The following PCDHA10 variants were observed in gnomAD, a reference collection of about 807,000 sequenced individuals.
The protein encoded by PCDHA10 is protocadherin alpha-10.
PCDHA10 carries 45 observed loss-of-function variants against 61.2 expected under a neutral mutation model. The observed-to-expected ratio is 0.74, with a 90% CI of 0.58 to 0.94. The LOEUF is 0.94. Among genes scored for constraint, PCDHA10 ranks in the 40% least tolerant of loss-of-function variants. The pLI, the probability that PCDHA10 is intolerant of heterozygous loss-of-function variation, is 0.00. For synonymous variants in PCDHA10, 602 were observed against 548.8 expected (o/e 1.10, Z -1.35); for missense variants, 1,278 against 1,236.2 (o/e 1.03, Z -0.51).
At chr5:140,941,973 C>T (rs1249999637) in intron 1 of PCDHA10, among the ~76,000 whole-genome samples, 4 of 152,068 alleles carry the variant, frequency 2.6e-5, no homozygotes, top group Admixed American at 1.3e-4. Context: ...TTTACTTTCC[C>T]TAAACCTTGA....
chr5:141,010,232 A>C lies in PCDHA10; in HGVS notation c.*295A>C. The C allele has an allele frequency of 1.3e-6, 2 of 1,551,952 alleles. No individual in the cohort carries two copies. The highest frequency in any genetic ancestry group is 1.7e-6 in the Non-Finnish European group (2 of 1,147,050). The stretch of plus-strand genomic sequence containing the variant: ...AAAGGAGAGGCTTCCCAGCCCCGCC[A>C]GTGAGAGGTTGGACTCTCTGCCCTG... On this transcript the variant is annotated 3_prime_UTR_variant, in exon 4 of 4. Coordinates refer to ENST00000307360, the MANE Select transcript of PCDHA10 (RefSeq NM_018901.4).
At chr5:140,902,203 C>CTTTTTT (rs148688132) in intron 1 of PCDHA10, among the ~76,000 whole-genome samples, 15 of 124,432 alleles carry the variant, frequency 1.2e-4, no homozygotes, top group Non-Finnish European at 2.0e-4. Flanking sequence ...CTCTCTCTTT[C>CTTTTTT]TTTTTTTTTT....
In PCDHA10 at chr5:140,856,743, T is replaced by C. The variant is rs17844341; in HGVS notation, c.695T>C (p.Leu232Ser). Residue 232 changes from leucine (L) to serine (S), a missense_variant, in exon 1 of 4, where the codon TTA becomes TCA. Transcript: ENST00000307360. ...TGSVSLLILV[L>S]DANDNAPIFD... Reference sequence around the variant, plus strand: ...TCTGTTTCTCTGCTGATCCTGGTGTTAGATGCCAATGATAACGCCCCTATC... The same window carrying C: ...TCTGTTTCTCTGCTGATCCTGGTGTCAGATGCCAATGATAACGCCCCTATC... 190 of 1,596,776 alleles carry C rather than the reference T, an allele frequency of 1.2e-4. 4 individuals are homozygous for C. In the East Asian group the frequency reaches 4.1e-3, roughly 35 times the overall value.
At chr5:141,003,423 T>G (rs1278383006) in intron 3 of PCDHA10, among the ~76,000 whole-genome samples, 1 of 152,164 alleles carries the variant, frequency 6.6e-6, no homozygotes, top group Non-Finnish European at 1.5e-5. Context: ...GTGATTCTTA[T>G]GCCTCAGCCT....
intron 1 of PCDHA10, 107 bp downstream of exon 1, chr5:140,858,543 A>AT: frequency 7.1e-7 from 1 of 1,400,318 alleles, no homozygotes; most frequent in Admixed American, 2.0e-5. Flanking sequence ...TCTACATTCC[A>AT]TTTATGCTTG....
At chr5:140,926,664 C>T (rs2083450429) in intron 1 of PCDHA10, 1 of 546,968 alleles carries the variant, frequency 1.8e-6, no homozygotes, top group East Asian at 3.5e-5. Context: ...CTTTCCCAGA[C>T]GGCTGCCCAG....
At chr5:140,862,894 TTGTC>T (rs782757160) in intron 1 of PCDHA10, 2 of 559,636 alleles carry the variant, frequency 3.6e-6, no homozygotes, top group East Asian at 4.8e-5. Flanking sequence ...AACGACAACT[TTGTC>T]TGCGCTGCTG....
At position 140,857,330 on chromosome 5, in the gene PCDHA10, G is replaced by A; in HGVS notation, c.1282G>A (p.Asp428Asn). ...SAYELVVTAR[D>N]GGSPPLWATA... ...CTATGAGCTGGTGGTGACCGCGCGG[G>A]ACGGGGGCTCGCCTCCGCTGTGGGC... The change falls in exon 1 of 4, where the codon GAC (aspartate) becomes AAC (asparagine). Residue 428 changes from aspartate (D) to asparagine (N), a missense_variant. Coordinates refer to ENST00000307360, the MANE Select transcript of PCDHA10 (RefSeq NM_018901.4). 1 of 1,598,660 alleles carries A rather than the reference G, an allele frequency of 6.3e-7. No individual in the cohort carries two copies. Among genetic ancestry groups the A allele is most frequent in the South Asian group, 1.1e-5 (1 of 90,532 alleles).
intron 1 of PCDHA10, among the ~76,000 whole-genome samples, chr5:140,903,450 T>A (rs2070311741): frequency 2.6e-5 from 4 of 152,202 alleles, no homozygotes; most frequent in Admixed American, 1.3e-4. Flanking sequence ...ATTCATCTGA[T>A]CAAACTTAAA....
At chr5:140,994,178 A>G (rs2097601690) in intron 3 of PCDHA10, among the ~76,000 whole-genome samples, 1 of 152,226 alleles carries the variant, frequency 6.6e-6, no homozygotes, top group Admixed American at 6.5e-5. Context: ...AAGCTGGGAC[A>G]AACCACCAGG....
chr5:140,858,339 A>G lies in PCDHA10; in HGVS notation c.2291A>G (p.Lys764Arg). Reference protein sequence around the residue: ...QRVCSGEGLPKADLMAFSPSL... With the variant: ...QRVCSGEGLPRADLMAFSPSL... ...GTGTGTTCTGGGGAGGGCCTGCCCA[A>G]GGCGGACCTCATGGCCTTCAGCCCC... is the stretch of plus-strand genomic sequence containing the variant. The change falls in exon 1 of 4, where the codon AAG (lysine) becomes AGG (arginine). Residue 764 changes from lysine to arginine, a missense_variant. Lys to Arg is a conservative substitution (Grantham distance 26, BLOSUM62 2). Transcript: ENST00000307360. 6.3e-7 allele frequency: 1 copy of G among 1,595,618 alleles called. No individual in the cohort carries two copies. Among genetic ancestry groups the G allele is most frequent in the African/African-American group, 1.3e-5 (1 of 74,512 alleles).
intron 1 of PCDHA10, among the ~76,000 whole-genome samples, chr5:140,924,871 G>C: frequency 6.7e-6 from 1 of 149,164 alleles, no homozygotes; most frequent in Non-Finnish European, 1.5e-5. Flanking sequence ...CTCCAGCCTG[G>C]GTGACAGAGC....
intron 1 of PCDHA10, among the ~76,000 whole-genome samples, chr5:140,898,001 C>G (rs2066457062): frequency 6.6e-6 from 1 of 152,116 alleles, no homozygotes; most frequent in Non-Finnish European, 1.5e-5. Flanking sequence ...TGAGAAGTGT[C>G]TGTTCATATC....
chr5:140,957,113 G>A (rs1554222808), intron 1 of PCDHA10, among the ~76,000 whole-genome samples: 2 of 152,086 alleles, frequency 1.3e-5, no homozygotes, highest in Admixed American at 6.6e-5. Flanking sequence ...ACATGATTCT[G>A]TGTGTTTCTT....
intron 1 of PCDHA10, among the ~76,000 whole-genome samples, chr5:140,908,385 G>A (rs1318647483): frequency 6.6e-6 from 1 of 152,222 alleles, no homozygotes. Context: ...GCTCGAGCCC[G>A]ATCACATATA....
intron 1 of PCDHA10, among the ~76,000 whole-genome samples, chr5:140,935,536 G>C (rs2090424655): frequency 6.6e-6 from 1 of 152,104 alleles, no homozygotes; most frequent in Non-Finnish European, 1.5e-5. Context: ...TCAAATTATT[G>C]TGTTTTAAAG....
intron 2 of PCDHA10, among the ~76,000 whole-genome samples, chr5:140,981,529 G>A (rs1014315292): frequency 3.9e-5 from 6 of 152,196 alleles, no homozygotes; most frequent in East Asian, 1.9e-4. Flanking sequence ...AGCTGAGATC[G>A]TGCCACTGTA....
At chr5:140,905,383 A>G (rs576453128) in intron 1 of PCDHA10, among the ~76,000 whole-genome samples, 8 of 152,324 alleles carry the variant, frequency 5.3e-5, no homozygotes, top group African/African-American at 1.7e-4. Flanking sequence ...GTTCTGTTTC[A>G]TAGGTCTGTG....
At chr5:140,947,341 A>C (rs1159995588) in intron 1 of PCDHA10, among the ~76,000 whole-genome samples, 1 of 151,806 alleles carries the variant, frequency 6.6e-6, no homozygotes, top group East Asian at 1.9e-4. Context: ...TGTGGGCTTA[A>C]TTCTGGACTC....
Sources: gnomAD v4.1 joint callset for allele counts (sites outside exome capture counted in the v4.1 genomes callset) on GRCh38, gnomAD v4.1.1 for gene constraint, MANE v1.5 for transcripts, NCBI Gene and HGNC (gene_info 2026-07-23, HGNC 2026-07-21) for gene names.